LHFPL6: variants seen among roughly 807,000 people sequenced by gnomAD.
LHFPL6 encodes the protein LHFPL tetraspan subfamily member 6 protein.
LHFPL6 carries 9 observed loss-of-function variants against 20.6 expected under a neutral mutation model. That is an observed-to-expected ratio of 0.44 (90% CI 0.26 to 0.76). The LOEUF (loss-of-function observed/expected upper bound fraction) is 0.76, where lower values mean the gene tolerates loss of function less well. Among genes scored for constraint, LHFPL6 ranks in the 30% least tolerant of loss-of-function variants. LHFPL6 has a pLI of 0.20. For synonymous variants in LHFPL6, 105 were observed against 98.7 expected, an observed-to-expected ratio of 1.06 and a Z score of -0.38; for missense variants, 218 against 253.5, an observed-to-expected ratio of 0.86 and a Z score of 0.95.
intron 2 of LHFPL6, among the ~76,000 whole-genome samples, chr13:39,595,050 T>C (rs1337065500): frequency 6.6e-6 from 1 of 152,098 alleles, no homozygotes; most frequent in Admixed American, 6.5e-5. Flanking sequence ...CACACCAACA[T>C]GGCACATGTA....
intron 3 of LHFPL6, among the ~76,000 whole-genome samples, chr13:39,363,005 G>C (rs1869917188): frequency 6.6e-6 from 1 of 152,192 alleles, no homozygotes; most frequent in African/African-American, 2.4e-5. Flanking sequence ...TCCCCAGCCT[G>C]GCAAGGTAAA....
intron 2 of LHFPL6, among the ~76,000 whole-genome samples, chr13:39,512,601 C>CAAAAA (rs565183661): frequency 3.8e-4 from 42 of 109,598 alleles, no homozygotes; most frequent in African/African-American, 1.7e-3. Flanking sequence ...GCCTCCGTCT[C>CAAAAA]AAAAAAAAAA....
intron 2 of LHFPL6, among the ~76,000 whole-genome samples, chr13:39,442,726 A>T (rs1432406398): frequency 1.3e-5 from 2 of 151,968 alleles, no homozygotes; most frequent in African/African-American, 4.8e-5. Context: ...TGCACTGTGA[A>T]TTTTTGCCTT....
At chr13:39,379,905 A>C (rs1166993858) in intron 2 of LHFPL6, among the ~76,000 whole-genome samples, 2 of 152,222 alleles carry the variant, frequency 1.3e-5, no homozygotes, top group Non-Finnish European at 2.9e-5. Flanking sequence ...TGAAACTATG[A>C]ATCACTAGTC....
chr13:39,440,525 A>T (rs7335423), intron 2 of LHFPL6, among the ~76,000 whole-genome samples: 1 of 152,136 alleles, frequency 6.6e-6, no homozygotes, highest in Non-Finnish European at 1.5e-5. Context: ...ATACATAGGC[A>T]CTTTCTTTGA....
At chr13:39,527,649 G>A (rs985856258) in intron 2 of LHFPL6, among the ~76,000 whole-genome samples, 14 of 151,722 alleles carry the variant, frequency 9.2e-5, no homozygotes, top group South Asian at 2.1e-4. Flanking sequence ...TTGTTTCCTC[G>A]TTACTTAGCT....
intron 2 of LHFPL6, among the ~76,000 whole-genome samples, chr13:39,510,354 T>C (rs891504999): frequency 6.6e-6 from 1 of 152,240 alleles, no homozygotes; most frequent in Non-Finnish European, 1.5e-5. Flanking sequence ...CTGACACTTT[T>C]CCAGCAGTGT....
intron 2 of LHFPL6, among the ~76,000 whole-genome samples, chr13:39,382,221 T>C (rs556662027): frequency 1.3e-5 from 2 of 152,260 alleles, no homozygotes; most frequent in South Asian, 4.1e-4. Context: ...AGTCCTATGG[T>C]AAATTTTAAA....
At chr13:39,572,971 T>C (rs1421006700) in intron 2 of LHFPL6, among the ~76,000 whole-genome samples, 4 of 152,216 alleles carry the variant, frequency 2.6e-5, no homozygotes, top group Admixed American at 2.6e-4. Context: ...AAAGGTGAGA[T>C]ACGCAATCTA....
intron 2 of LHFPL6, among the ~76,000 whole-genome samples, chr13:39,441,378 G>A (rs1593314251): frequency 6.6e-6 from 1 of 151,932 alleles, no homozygotes; most frequent in East Asian, 1.9e-4. Flanking sequence ...TAGACATAGG[G>A]ATTTAAAATA....
chr13:39,428,392 G>A (rs1463715821), intron 2 of LHFPL6, among the ~76,000 whole-genome samples: 1 of 152,158 alleles, frequency 6.6e-6, no homozygotes, highest in African/African-American at 2.4e-5. Flanking sequence ...TTTTAAAATA[G>A]ATATAGAATT....
intron 2 of LHFPL6, among the ~76,000 whole-genome samples, chr13:39,471,902 AT>A (rs1490541308): frequency 6.6e-6 from 1 of 152,114 alleles, no homozygotes; most frequent in African/African-American, 2.4e-5. Context: ...TCACCCTAAC[AT>A]TTTTTTCAAC....
chr13:39,417,752 C>A (rs1173418990), intron 2 of LHFPL6, among the ~76,000 whole-genome samples: 3 of 150,750 alleles, frequency 2.0e-5, no homozygotes, highest in African/African-American at 7.3e-5. Flanking sequence ...AGCTCCTGGG[C>A]CGGGGCAGGG....
intron 2 of LHFPL6, among the ~76,000 whole-genome samples, chr13:39,596,871 A>T (rs1254243898): frequency 6.6e-6 from 1 of 152,204 alleles, no homozygotes; most frequent in Non-Finnish European, 1.5e-5. Flanking sequence ...ATATCATATG[A>T]CAGGTCAGGT....
chr13:39,459,672 T>C (rs1872647105), intron 2 of LHFPL6, among the ~76,000 whole-genome samples: 1 of 152,200 alleles, frequency 6.6e-6, no homozygotes, highest in Non-Finnish European at 1.5e-5. Flanking sequence ...TATCTCCCCA[T>C]TCCCTAATGT....
chr13:39,484,243 T>C (rs1170260241), intron 2 of LHFPL6, among the ~76,000 whole-genome samples: 2 of 152,150 alleles, frequency 1.3e-5, no homozygotes, highest in Admixed American at 6.5e-5. Context: ...TGATTCCCCA[T>C]ACCCATGATC....
At chr13:39,565,278 TC>T (rs1871674280) in intron 2 of LHFPL6, among the ~76,000 whole-genome samples, 1 of 150,978 alleles carries the variant, frequency 6.6e-6, no homozygotes, top group Admixed American at 6.6e-5. Flanking sequence ...AAAAAAAAAA[TC>T]CAGTACAGTT....
At chr13:39,513,431 G>A (rs542324756) in intron 2 of LHFPL6, among the ~76,000 whole-genome samples, 107 of 152,222 alleles carry the variant, frequency 7.0e-4, no homozygotes, top group East Asian at 9.6e-4. Flanking sequence ...ATGCCTTCCA[G>A]TGGCCTTTAT....
chr13:39,473,422 C>A (rs548934168), intron 2 of LHFPL6, among the ~76,000 whole-genome samples: 3 of 151,158 alleles, frequency 2.0e-5, no homozygotes, highest in South Asian at 4.2e-4. Flanking sequence ...ATAAAATATG[C>A]AGGGAATCAC....
Sources: allele counts gnomAD v4.1 joint callset (sites outside exome capture counted in the v4.1 genomes callset), GRCh38; gene constraint gnomAD v4.1.1; transcripts MANE v1.5; gene names NCBI Gene and HGNC (gene_info 2026-07-23, HGNC 2026-07-21).